TFB1M: variants seen among roughly 807,000 people sequenced by gnomAD.
The protein encoded by TFB1M is transcription factor B1, mitochondrial.
Under a neutral mutation model 31.1 loss-of-function variants are expected in TFB1M, and 27 were observed. That is an observed-to-expected ratio of 0.87 (90% confidence interval 0.64 to 1.20). TFB1M has a LOEUF of 1.20. Among genes scored for constraint, TFB1M ranks in the 50% most tolerant of loss-of-function variants. The pLI, the probability that TFB1M is intolerant of heterozygous loss-of-function variation, is 0.00. For synonymous variants in TFB1M, 166 were observed against 151.8 expected (o/e 1.09, Z -0.69); for missense variants, 394 against 418.7 (o/e 0.94, Z 0.51).
At chr6:155,275,899 G>A (rs1370611748) in intron 5 of TFB1M, 3 of 1,614,144 alleles carry the variant, frequency 1.9e-6, no homozygotes, top group Non-Finnish European at 2.5e-6. Context: ...ACAGCACTGG[G>A]ATGTTCAGCT....
chr6:155,277,265 T>C (rs973083054), intron 5 of TFB1M, among the ~76,000 whole-genome samples: 4 of 152,264 alleles, frequency 2.6e-5, no homozygotes, highest in African/African-American at 7.2e-5. Context: ...TCACTTTTTC[T>C]CTCAAATTTC....
chr6:155,251,681 A>T (rs1262162915), downstream of TFB1M, among the ~76,000 whole-genome samples: 1 of 152,240 alleles, frequency 6.6e-6, no homozygotes, highest in Non-Finnish European at 1.5e-5. Context: ...TGAGATGAAC[A>T]CAGTGTCCTC....
chr6:155,252,814 C>A, downstream of TFB1M: 1 of 717,324 alleles, frequency 1.4e-6, no homozygotes, highest in Non-Finnish European at 2.4e-6. Flanking sequence ...TGATTGACTT[C>A]TGTGCCCTGA....
At chr6:155,238,188 C>T in the TFB1M span, among the ~76,000 whole-genome samples, 14 of 152,204 alleles carry the variant, frequency 9.2e-5, no homozygotes, top group South Asian at 2.1e-4. Flanking sequence ...GGCAAAATGC[C>T]GCCAAGCTGT....
downstream of TFB1M, chr6:155,253,031 A>C: frequency 6.2e-7 from 1 of 1,614,162 alleles, no homozygotes; most frequent in South Asian, 1.1e-5. Context: ...CCGCGCTTCA[A>C]GTCAGACTGG....
intron 3 of TFB1M, among the ~76,000 whole-genome samples, chr6:155,297,910 G>A (rs913239192): frequency 2.0e-5 from 3 of 152,216 alleles, no homozygotes. Flanking sequence ...CTGGTCATGG[G>A]GGAGGCCAGA....
chr6:155,312,737 A>G (rs368838351), intron 1 of TFB1M, among the ~76,000 whole-genome samples: 8 of 152,164 alleles, frequency 5.3e-5, no homozygotes, highest in Non-Finnish European at 1.2e-4. Flanking sequence ...TAATATCTAG[A>G]ATTTGAAACT....
chr6:155,250,314 A>T, the TFB1M span, among the ~76,000 whole-genome samples: 3 of 136,364 alleles, frequency 2.2e-5, no homozygotes, highest in East Asian at 4.0e-4. Flanking sequence ...TTTTTTTAAC[A>T]TCAAATATTG....
At position 155,257,854 on chromosome 6, in the gene TFB1M, T is replaced by A. The variant is rs1283875060; in HGVS notation, c.1023A>T (p.Ala341=). Residue 341 remains alanine (A), a synonymous_variant, in exon 7 of 7, where the codon GCA becomes GCT. Transcript: ENST00000367166. ...GCAGCAGCTAGAGTCTGTAATTCTCTGCGTCATCCTCTTCTTTTTCTTCAT... is the reference window on the plus strand; with the variant it reads ...GCAGCAGCTAGAGTCTGTAATTCTCAGCGTCATCCTCTTCTTTTTCTTCAT... ...SKNEEKEEDD[A]ENYRL 6.2e-7 allele frequency: 1 copy of A among 1,614,110 alleles called. No homozygotes were observed. The highest frequency in any genetic ancestry group is 8.5e-7 in the Non-Finnish European group (1 of 1,180,030).
chr6:155,235,645 G>C, the TFB1M span, among the ~76,000 whole-genome samples: 12 of 152,200 alleles, frequency 7.9e-5, no homozygotes, highest in Non-Finnish European at 1.3e-4. Context: ...TTGGTCCCAA[G>C]TAATCCTCAC....
chr6:155,256,479 T>C lies in TFB1M; in HGVS notation c.*1357A>G, dbSNP rs1784037613. 2 of 1,614,054 alleles carry C rather than the reference T, an allele frequency of 1.2e-6. No homozygotes were observed. The highest frequency in any genetic ancestry group is 1.1e-5 in the South Asian group (1 of 91,054). On this transcript the variant is annotated 3_prime_UTR_variant, in exon 7 of 7. Transcript: ENST00000367166. ...TCACAGCGAAATGTGTTTTTCTCAC[T>C]GTAGCTTCATCCAGGTCTTTAAAAG...
the TFB1M span, among the ~76,000 whole-genome samples, chr6:155,242,314 CTTTT>C: frequency 6.6e-6 from 1 of 152,220 alleles, no homozygotes. Context: ...TTCTTCATTT[CTTTT>C]TTGTTGCTGA....
intron 4 of TFB1M, among the ~76,000 whole-genome samples, chr6:155,288,600 G>C (rs555310904): frequency 6.6e-6 from 1 of 152,256 alleles, no homozygotes; most frequent in African/African-American, 2.4e-5. Flanking sequence ...ATTTCACTTA[G>C]AACACATCCA....
the TFB1M span, among the ~76,000 whole-genome samples, chr6:155,245,053 C>G: frequency 6.6e-6 from 1 of 152,330 alleles, no homozygotes; most frequent in Non-Finnish European, 1.5e-5. Flanking sequence ...CTTTTCTCAG[C>G]TGCTGTGAAG....
intron 5 of TFB1M, among the ~76,000 whole-genome samples, chr6:155,267,416 C>A (rs1332582462): frequency 6.6e-6 from 1 of 152,242 alleles, no homozygotes. Context: ...GGCCTACACA[C>A]AGACCAGGTG....
At chr6:155,236,122 G>A in the TFB1M span, among the ~76,000 whole-genome samples, 713 of 151,984 alleles carry the variant, frequency 4.7e-3, 7 homozygotes, top group African/African-American at 0.016. Context: ...TATTATCATC[G>A]TGAACATTTT....
intron 5 of TFB1M, among the ~76,000 whole-genome samples, chr6:155,281,314 C>A (rs1469707135): frequency 1.3e-5 from 2 of 152,194 alleles, no homozygotes; most frequent in Non-Finnish European, 2.9e-5. Context: ...GGAATTCCAG[C>A]AGGTCTAGCT....
intron 5 of TFB1M, among the ~76,000 whole-genome samples, chr6:155,266,462 A>C (rs912719): frequency 0.66 from 99,706 of 151,892 alleles, 33,479 homozygotes; most frequent in East Asian, 0.98. Flanking sequence ...TGTGACACCC[A>C]CAAAGCCAGC....
At chr6:155,286,273 T>A (rs1379712145) in intron 4 of TFB1M, among the ~76,000 whole-genome samples, 3 of 151,990 alleles carry the variant, frequency 2.0e-5, no homozygotes, top group Non-Finnish European at 4.4e-5. Flanking sequence ...AGCAAAATTT[T>A]AAAATTTTTA....
Sources: allele counts gnomAD v4.1 joint callset (sites outside exome capture counted in the v4.1 genomes callset), GRCh38; gene constraint gnomAD v4.1.1; transcripts MANE v1.5; gene names NCBI Gene and HGNC (gene_info 2026-07-23, HGNC 2026-07-21).